SYCP1: variants seen among roughly 807,000 people sequenced by gnomAD.
SYCP1 encodes synaptonemal complex protein 1.
Under a neutral mutation model 153.1 loss-of-function variants are expected in SYCP1, and 64 were observed. The ratio of observed to expected loss-of-function variants is 0.42; its 90% CI spans 0.34 to 0.51. The LOEUF (loss-of-function observed/expected upper bound fraction) is 0.51. Ranked by LOEUF, SYCP1 falls within the 20% of genes least tolerant of loss-of-function variation. SYCP1 has a pLI of 0.06. For missense variants in SYCP1, 997 were observed against 1,049.0 expected (o/e 0.95, Z 0.68); for synonymous variants, 384 against 341.8 (o/e 1.12, Z -1.36).
At chr1:114,935,776 C>T (rs1431052936) in intron 23 of SYCP1, among the ~76,000 whole-genome samples, 1 of 152,172 alleles carries the variant, frequency 6.6e-6, no homozygotes, top group East Asian at 1.9e-4. Context: ...CTATAAACAC[C>T]TCTATGCAAA....
intron 16 of SYCP1, among the ~76,000 whole-genome samples, chr1:114,895,943 C>T (rs974532392): frequency 6.6e-6 from 1 of 152,074 alleles, no homozygotes; most frequent in Non-Finnish European, 1.5e-5. Context: ...GTATATAGAA[C>T]ATGGGTCAGC....
chr1:114,959,039 G>A (rs1261099305), intron 27 of SYCP1, among the ~76,000 whole-genome samples: 2 of 151,398 alleles, frequency 1.3e-5, no homozygotes, highest in Non-Finnish European at 2.9e-5. Flanking sequence ...TTTCTTGTTG[G>A]TATCATTTGC....
intron 23 of SYCP1, among the ~76,000 whole-genome samples, chr1:114,927,656 A>G (rs1387872013): frequency 6.6e-6 from 1 of 152,206 alleles, no homozygotes; most frequent in African/African-American, 2.4e-5. Flanking sequence ...ATCAAGTGTC[A>G]GTAAACTGGA....
chr1:114,951,566 G>C (rs1671106934), intron 27 of SYCP1, among the ~76,000 whole-genome samples: 1 of 152,210 alleles, frequency 6.6e-6, no homozygotes. Flanking sequence ...GTAGGTGCCA[G>C]TGTAGTTTCT....
At chr1:114,903,547 G>T (rs921488481) in intron 16 of SYCP1, among the ~76,000 whole-genome samples, 12 of 152,202 alleles carry the variant, frequency 7.9e-5, no homozygotes, top group African/African-American at 2.7e-4. Flanking sequence ...GATGCTGCTG[G>T]AGAGTTAGAT....
At chr1:114,953,016 A>G (rs1342878154) in intron 27 of SYCP1, among the ~76,000 whole-genome samples, 3 of 152,226 alleles carry the variant, frequency 2.0e-5, no homozygotes, top group Non-Finnish European at 4.4e-5. Context: ...CTCCAGAGAG[A>G]GAAATGACCT....
intron 27 of SYCP1, among the ~76,000 whole-genome samples, chr1:114,951,180 G>A (rs913314481): frequency 2.2e-4 from 33 of 152,084 alleles, no homozygotes; most frequent in Non-Finnish European, 4.7e-4. Context: ...AAATGTAAAG[G>A]AAAATGTTGA....
At chr1:114,900,836 G>C (rs927345620) in intron 16 of SYCP1, among the ~76,000 whole-genome samples, 36 of 152,156 alleles carry the variant, frequency 2.4e-4, no homozygotes, top group African/African-American at 8.0e-4. Flanking sequence ...AAACCAAAAA[G>C]CAGTTTATAA....
intron 16 of SYCP1, among the ~76,000 whole-genome samples, chr1:114,896,071 C>A (rs1049042399): frequency 2.6e-5 from 4 of 151,992 alleles, no homozygotes; most frequent in Non-Finnish European, 5.9e-5. Flanking sequence ...TTTTTAAGAA[C>A]CTTGTAAAAA....
At chr1:114,911,421 CT>C in intron 17 of SYCP1, 57 bp from the exon 18 acceptor site, 3 of 1,373,100 alleles carry the variant, frequency 2.2e-6, no homozygotes, top group Non-Finnish European at 2.0e-6. Context: ...GTGACTATAC[CT>C]TTTAAATGAG....
intron 20 of SYCP1, among the ~76,000 whole-genome samples, chr1:114,918,860 A>T (rs1487087666): frequency 6.6e-6 from 1 of 151,954 alleles, no homozygotes. Flanking sequence ...TTTGCTTATT[A>T]GTTCTAATAG....
At chr1:114,959,843 T>C (rs1166402122) in intron 27 of SYCP1, among the ~76,000 whole-genome samples, 1 of 152,154 alleles carries the variant, frequency 6.6e-6, no homozygotes, top group East Asian at 1.9e-4. Flanking sequence ...ATGGAAAGTT[T>C]GTCTTTCTGT....
intron 3 of SYCP1, 65 bp from the exon 4 acceptor site, chr1:114,857,167 G>GA (rs1374529723): frequency 0.054 from 28,866 of 533,000 alleles, no homozygotes; most frequent in Middle Eastern, 0.07. Context: ...AGAGAAAAAA[G>GA]AAAAAAAAAA....
rs1239998946 is a variant in SYCP1, at chr1:114,926,550, T to C, written c.1913T>C (p.Val638Ala). 1.3e-6 allele frequency: 2 copies of C among 1,598,544 alleles called. No individual in the cohort carries two copies. Among genetic ancestry groups the C allele is most frequent in the East Asian group, 4.5e-5 (2 of 44,174 alleles). ...KGTAESKQLNVYEIKVNKLEL... is the reference protein window; with the variant it reads ...KGTAESKQLNAYEIKVNKLEL... ...ACAGCAGAAAGCAAGCAACTGAATG[T>C]TTATGAGATAAAGGTATTTGGCATC... The change falls in exon 23 of 32, where the codon GTT (valine) becomes GCT (alanine). Residue 638 changes from valine to alanine, a missense_variant. By Grantham distance (64) the Val-to-Ala change is moderately conservative. Transcript: ENST00000369522.
chr1:114,960,591 A>C (rs1201689195), intron 27 of SYCP1, among the ~76,000 whole-genome samples: 1 of 152,216 alleles, frequency 6.6e-6, no homozygotes, highest in Non-Finnish European at 1.5e-5. Context: ...ACTTTTGGAT[A>C]AAAGCCATTT....
intron 10 of SYCP1, among the ~76,000 whole-genome samples, chr1:114,876,370 T>A (rs932364104): frequency 2.6e-5 from 4 of 152,044 alleles, no homozygotes; most frequent in Non-Finnish European, 5.9e-5. Context: ...TAATTTTATT[T>A]TTTTTTTAGA....
At chr1:114,880,923 ATTTAT>A (rs1665875102) in intron 12 of SYCP1, among the ~76,000 whole-genome samples, 1 of 152,040 alleles carries the variant, frequency 6.6e-6, no homozygotes. Context: ...TTATTGCCTA[ATTTAT>A]TTTGTCACTT....
At chr1:114,887,593 A>G in intron 14 of SYCP1, 33 bp from the exon 15 acceptor site, 1 of 1,409,298 alleles carries the variant, frequency 7.1e-7, no homozygotes, top group Non-Finnish European at 9.8e-7. Flanking sequence ...GACTAAAATA[A>G]TATTTTGTAT....
intron 23 of SYCP1, among the ~76,000 whole-genome samples, chr1:114,932,584 G>A (rs930492060): frequency 2.0e-5 from 3 of 152,176 alleles, no homozygotes; most frequent in Non-Finnish European, 4.4e-5. Flanking sequence ...CACAGAGCGT[G>A]AGCTGAAGCA....
Sources: gnomAD v4.1 joint callset for allele counts (sites outside exome capture counted in the v4.1 genomes callset) on GRCh38, gnomAD v4.1.1 for gene constraint, MANE v1.5 for transcripts, NCBI Gene and HGNC (gene_info 2026-07-23, HGNC 2026-07-21) for gene names.